PDE4D: variants seen among roughly 807,000 people sequenced by gnomAD.
PDE4D encodes phosphodiesterase 4D.
In PDE4D, 24 loss-of-function variants were observed where a neutral mutation model predicts 87.4. The observed-to-expected ratio is 0.27, with a 90% CI of 0.20 to 0.39. The LOEUF is 0.39. Among genes scored for constraint, PDE4D ranks in the 10% least tolerant of loss-of-function variants. PDE4D has a pLI of 1.00. For missense variants in PDE4D, 714 were observed against 1,041.0 expected, an observed-to-expected ratio of 0.69 and a Z score of 4.32; for synonymous variants, 384 against 383.2, an observed-to-expected ratio of 1.00 and a Z score of -0.02.
At chr5:59,250,829 A>C (rs569393553) in intron 1 of PDE4D, among the ~76,000 whole-genome samples, 3 of 152,206 alleles carry the variant, frequency 2.0e-5, no homozygotes, top group Admixed American at 2.0e-4. Flanking sequence ...GTACAAGAAC[A>C]GCCAGATAGA....
intron 1 of PDE4D, among the ~76,000 whole-genome samples, chr5:59,762,249 G>T (rs141052411): frequency 0.022 from 2,839 of 129,466 alleles, 109 homozygotes; most frequent in African/African-American, 0.07. Flanking sequence ...TGTGTATATG[G>T]GTACACATAT....
At chr5:59,661,913 T>C (rs981774582) in intron 1 of PDE4D, among the ~76,000 whole-genome samples, 1 of 152,214 alleles carries the variant, frequency 6.6e-6, no homozygotes, top group African/African-American at 2.4e-5. Flanking sequence ...ATAGACTATA[T>C]TATTGTTCTC....
chr5:59,877,463 C>T (rs1449674259), intron 1 of PDE4D, among the ~76,000 whole-genome samples: 2 of 132,110 alleles, frequency 1.5e-5, no homozygotes, highest in East Asian at 2.2e-4. Context: ...ACATTCAGCA[C>T]ATGTATGCCA....
At chr5:59,712,389 T>G (rs918857290) in intron 1 of PDE4D, among the ~76,000 whole-genome samples, 6 of 84,584 alleles carry the variant, frequency 7.1e-5, no homozygotes, top group Admixed American at 5.6e-4. Context: ...AGGTTAATAT[T>G]ATTCATATAT....
At chr5:59,781,428 C>T (rs1382349282) in intron 1 of PDE4D, among the ~76,000 whole-genome samples, 1 of 152,060 alleles carries the variant, frequency 6.6e-6, no homozygotes, top group Admixed American at 6.6e-5. Flanking sequence ...TGGTTGCAGA[C>T]ATGATGTACA....
At chr5:60,519,888 G>T (rs1395909505) in intron 1 of PDE4D, among the ~76,000 whole-genome samples, 1 of 152,106 alleles carries the variant, frequency 6.6e-6, no homozygotes, top group Non-Finnish European at 1.5e-5. Context: ...CATATATGTA[G>T]GAGAAAAAAC....
chr5:60,132,777 A>T lies in PDE4D; in HGVS notation c.42+52780T>A, dbSNP rs572420372. On this transcript the variant is annotated intron_variant, in intron 2 of 16. Coordinates refer to the PDE4D transcript ENST00000502484. ...GAGGCTGAGGCAGGAGAATCGCTTG[A>T]ACCCAGGAGGCGGAGGTTGCAGTGA... Among the ~76,000 whole-genome samples the T allele has an allele frequency of 9.9e-5, 15 of 152,194 alleles. No individual in the cohort carries two copies. The South Asian group carries it at 2.5e-3, about 25-fold the overall frequency.
chr5:59,038,743 A>T (rs1351344209), intron 6 of PDE4D, 116 bp downstream of exon 6: 1 of 974,868 alleles, frequency 1.0e-6, no homozygotes, highest in Non-Finnish European at 1.4e-6. Context: ...AATAGCCAAC[A>T]TGCAGTAAGC....
At chr5:60,089,473 T>C (rs1309660419) in intron 2 of PDE4D, among the ~76,000 whole-genome samples, 1 of 151,572 alleles carries the variant, frequency 6.6e-6, no homozygotes, top group Non-Finnish European at 1.5e-5. Flanking sequence ...AAAAGGAAAT[T>C]TAAAAAATTT....
intron 5 of PDE4D, among the ~76,000 whole-genome samples, chr5:59,086,636 G>A (rs941372373): frequency 1.3e-5 from 2 of 152,028 alleles, no homozygotes; most frequent in Admixed American, 6.6e-5. Flanking sequence ...CTATCTGGAT[G>A]TGCACAGACA....
chr5:59,804,265 CATG>C (rs1767490219), intron 1 of PDE4D, among the ~76,000 whole-genome samples: 2 of 152,202 alleles, frequency 1.3e-5, no homozygotes. Flanking sequence ...TAAGTGAAAA[CATG>C]ATATTTGGTT....
Position 59,923,512 on chromosome 5 carries a change from G to C in PDE4D, c.272+64976C>G, listed in dbSNP as rs55860362. Reference sequence around the variant, plus strand: ...CAAGCTCCAGGTAGCTCAAGACAGAGAGAGAGACAGACCCCATTTGTTTGG... The same window carrying C: ...CAAGCTCCAGGTAGCTCAAGACAGACAGAGAGACAGACCCCATTTGTTTGG... On this transcript the variant is annotated intron_variant, in intron 3 of 16. Transcript: ENST00000502484. Among the ~76,000 whole-genome samples, 810 of 152,120 alleles carry C rather than the reference G, an allele frequency of 5.3e-3. 3 individuals carry two copies. The highest frequency in any genetic ancestry group is 0.019 in the African/African-American group (782 of 41,500).
chr5:60,302,776 C>G (rs1754028099), intron 1 of PDE4D, among the ~76,000 whole-genome samples: 1 of 152,124 alleles, frequency 6.6e-6, no homozygotes, highest in South Asian at 2.1e-4. Context: ...AATTTGAAAT[C>G]TTTCCAGATT....
At chr5:59,875,723 TCTGATATATTGAAAGAAC>T (rs1420061568) in intron 1 of PDE4D, among the ~76,000 whole-genome samples, 1 of 152,108 alleles carries the variant, frequency 6.6e-6, no homozygotes, top group Non-Finnish European at 1.5e-5. Flanking sequence ...GTTCCTAAAA[TCTGATATATTGAAAGAAC>T]CTGAACTTTG....
At chr5:59,827,888 G>T (rs1279340190) in intron 1 of PDE4D, among the ~76,000 whole-genome samples, 1 of 151,944 alleles carries the variant, frequency 6.6e-6, no homozygotes, top group Non-Finnish European at 1.5e-5. Flanking sequence ...TAAAAAATTG[G>T]CTCTTGGAAT....
intron 1 of PDE4D, among the ~76,000 whole-genome samples, chr5:60,388,377 G>T (rs574111026): frequency 7.3e-5 from 11 of 150,392 alleles, no homozygotes; most frequent in South Asian, 2.1e-4. Context: ...GTTTTTTGGG[G>T]TTTTTTCTTT....
chr5:60,230,797 A>T (rs1745716321), intron 1 of PDE4D, among the ~76,000 whole-genome samples: 1 of 152,132 alleles, frequency 6.6e-6, no homozygotes, highest in Non-Finnish European at 1.5e-5. Context: ...TTCTAAAATC[A>T]TTTGGCAGCC....
chr5:59,140,207 G>A (rs1777691580), intron 5 of PDE4D, among the ~76,000 whole-genome samples: 1 of 152,232 alleles, frequency 6.6e-6, no homozygotes, highest in African/African-American at 2.4e-5. Context: ...GAGATGCTGG[G>A]AGCAGATTAA....
chr5:59,723,768 C>G (rs2150569890), intron 1 of PDE4D, among the ~76,000 whole-genome samples: 1 of 152,228 alleles, frequency 6.6e-6, no homozygotes, highest in African/African-American at 2.4e-5. Context: ...GTTGTCCAAA[C>G]TAATATTGAA....
Sources: allele counts gnomAD v4.1 joint callset (sites outside exome capture counted in the v4.1 genomes callset), GRCh38; gene constraint gnomAD v4.1.1; transcripts MANE v1.5; gene names NCBI Gene and HGNC (gene_info 2026-07-23, HGNC 2026-07-21).